Variants in ZNF362 observed in about 807,000 individuals in gnomAD.
ZNF362 encodes the protein zinc finger protein 362.
A neutral mutation model predicts 42.9 loss-of-function variants in ZNF362; 11 were observed. The ratio of observed to expected loss-of-function variants is 0.26; its 90% CI spans 0.16 to 0.42. The LOEUF (loss-of-function observed/expected upper bound fraction) is 0.42. Among genes scored for constraint, ZNF362 ranks in the 20% least tolerant of loss-of-function variants. The pLI, the probability that ZNF362 is intolerant of heterozygous loss-of-function variation, is 1.00. For synonymous variants in ZNF362, 255 were observed against 257.3 expected (o/e 0.99, Z 0.09); for missense variants, 362 against 576.2 (o/e 0.63, Z 3.81).
At chr1:33,145,065 T>G in the ZNF362 span, among the ~76,000 whole-genome samples, 2 of 152,238 alleles carry the variant, frequency 1.3e-5, no homozygotes, top group Non-Finnish European at 2.9e-5. Flanking sequence ...GAGGTCTGTG[T>G]GGTTCCCGAG....
chr1:33,265,391 A>C (rs1056081971), intron 1 of ZNF362, among the ~76,000 whole-genome samples: 2 of 152,024 alleles, frequency 1.3e-5, no homozygotes, highest in African/African-American at 4.8e-5. Flanking sequence ...CACAGACAGC[A>C]ACCCCTCCTG....
chr1:33,198,573 G>T, the ZNF362 span, among the ~76,000 whole-genome samples: 5,524 of 152,128 alleles, frequency 0.036, 149 homozygotes, highest in African/African-American at 0.073. Flanking sequence ...AGGCTGAGGT[G>T]GGAGGATCAC....
the ZNF362 span, chr1:33,166,304 G>T: frequency 1.3e-5 from 2 of 152,248 alleles, no homozygotes; most frequent in East Asian, 3.9e-4. Context: ...AATGTAATGT[G>T]CTTGAATCAT....
At chr1:33,284,727 G>A (rs551939626) in intron 6 of ZNF362, among the ~76,000 whole-genome samples, 2 of 151,978 alleles carry the variant, frequency 1.3e-5, no homozygotes, top group South Asian at 2.1e-4. Flanking sequence ...GAGGATTAGC[G>A]ACAGTAATAA....
chr1:33,241,004 A>G, the ZNF362 span, among the ~76,000 whole-genome samples: 2 of 152,156 alleles, frequency 1.3e-5, no homozygotes, highest in African/African-American at 4.8e-5. Flanking sequence ...GGTGCTTGAA[A>G]AGTGAACCCC....
chr1:33,194,532 C>CAAAAA, the ZNF362 span, among the ~76,000 whole-genome samples: 40 of 103,742 alleles, frequency 3.9e-4, no homozygotes, highest in East Asian at 2.6e-3. Context: ...GACCCTGTCT[C>CAAAAA]AAAAAAAAAA....
At chr1:33,221,283 TG>T in the ZNF362 span, among the ~76,000 whole-genome samples, 1 of 152,156 alleles carries the variant, frequency 6.6e-6, no homozygotes, top group Non-Finnish European at 1.5e-5. Context: ...GTCCTGACTG[TG>T]GGTGGGGATC....
At chr1:33,180,994 G>A in the ZNF362 span, 8 of 607,806 alleles carry the variant, frequency 1.3e-5, no homozygotes, top group Middle Eastern at 3.2e-4. Flanking sequence ...GCCCGGCCCC[G>A]CCCCTTCCCC....
the ZNF362 span, among the ~76,000 whole-genome samples, chr1:33,168,592 A>T: frequency 1.3e-5 from 2 of 152,172 alleles, no homozygotes; most frequent in Admixed American, 1.3e-4. Flanking sequence ...TGAGAGAGAA[A>T]CGCACCCCAT....
the ZNF362 span, among the ~76,000 whole-genome samples, chr1:33,175,274 T>A: frequency 4.6e-5 from 7 of 151,558 alleles, no homozygotes; most frequent in African/African-American, 1.7e-4. Flanking sequence ...GATCTCAAAC[T>A]CAGGTGATCC....
upstream of ZNF362, among the ~76,000 whole-genome samples, chr1:33,253,692 T>C (rs1645771797): frequency 6.6e-6 from 1 of 152,140 alleles, no homozygotes; most frequent in Non-Finnish European, 1.5e-5. Context: ...CTTCTGTGCC[T>C]TTGCATGTGC....
At chr1:33,210,611 G>A in the ZNF362 span, among the ~76,000 whole-genome samples, 1 of 152,132 alleles carries the variant, frequency 6.6e-6, no homozygotes, top group East Asian at 1.9e-4. Context: ...TGATGCTCCT[G>A]TATTGGGTGC....
chr1:33,261,118 C>A (rs1435577142), intron 1 of ZNF362: 1 of 152,124 alleles, frequency 6.6e-6, no homozygotes, highest in African/African-American at 2.4e-5. Flanking sequence ...GGGATTTGAA[C>A]CTAGCACTCT....
chr1:33,257,501 C>T (rs1436661963), intron 1 of ZNF362, among the ~76,000 whole-genome samples: 2 of 151,396 alleles, frequency 1.3e-5, no homozygotes, highest in African/African-American at 4.9e-5. Context: ...AGCCAGCTGC[C>T]TTTGCAGGAT....
chr1:33,142,043 G>C, the ZNF362 span: 15 of 152,288 alleles, frequency 9.8e-5, no homozygotes, highest in African/African-American at 3.4e-4. Context: ...TGGTGTCCCA[G>C]AGTAAGGGGA....
At chr1:33,293,845 C>T (rs1365061172) in intron 6 of ZNF362, among the ~76,000 whole-genome samples, 1 of 152,196 alleles carries the variant, frequency 6.6e-6, no homozygotes, top group African/African-American at 2.4e-5. Flanking sequence ...GCTCCATCCT[C>T]ACCTGGGCTG....
Position 33,294,805 on chromosome 1 carries a change from C to T in ZNF362, c.909-132C>T. On this transcript the variant is annotated intron_variant, in intron 6 of 8. Transcript: ENST00000539719. This position sits in a 1 kb window ranked among gnomAD's most constrained non-coding sequence, Gnocchi z 4.2. ...GAAGTCCCCAGCTCTTGCCTGGGCT[C>T]ACTCTTGGTCCTTGGGGAGCATGGG... The T allele has an allele frequency of 1.1e-6, 1 of 931,330 alleles. No homozygotes were observed. The highest frequency in any genetic ancestry group is 2.4e-4 in the Middle Eastern group (1 of 4,198). The allele number at this position is 931,330 out of a possible 1,614,324, so 57.7% of individuals were successfully genotyped here. A position where few individuals can be genotyped will look rare whatever the true frequency, so the allele number is the denominator to read the frequency against.
chr1:33,274,280 A>T (rs955802692), intron 2 of ZNF362, among the ~76,000 whole-genome samples: 2 of 152,230 alleles, frequency 1.3e-5, no homozygotes, highest in African/African-American at 4.8e-5. Flanking sequence ...GTGACCTTGA[A>T]CAAGTCACTC....
At chr1:33,226,057 G>T in the ZNF362 span, among the ~76,000 whole-genome samples, 80 of 152,250 alleles carry the variant, frequency 5.3e-4, no homozygotes, top group Non-Finnish European at 1.0e-3. Context: ...TGTGGTGGGA[G>T]GGTGGGTGTC....
Sources: allele counts gnomAD v4.1 joint callset (sites outside exome capture counted in the v4.1 genomes callset), GRCh38; gene constraint gnomAD v4.1.1; non-coding constraint Gnocchi (gnomAD v3.1); transcripts MANE v1.5; gene names NCBI Gene and HGNC (gene_info 2026-07-23, HGNC 2026-07-21).